The following NBEA variants were observed in gnomAD, a reference collection of about 807,000 sequenced individuals.
NBEA encodes neurobeachin, also known as lysosomal-trafficking regulator 2.
NBEA carries 44 observed loss-of-function variants against 343.4 expected under a neutral mutation model. That is an observed-to-expected ratio of 0.13 (90% CI 0.10 to 0.16). NBEA has a LOEUF of 0.16. Among genes scored for constraint, NBEA ranks in the 10% least tolerant of loss-of-function variants. NBEA has a pLI of 1.00. For missense variants in NBEA, 2,555 were observed against 3,631.3 expected (o/e 0.70, Z 7.62); for synonymous variants, 1,175 against 1,238.7 (o/e 0.95, Z 1.08).
intron 34 of NBEA, among the ~76,000 whole-genome samples, chr13:35,250,571 T>C (rs114769571): frequency 2.0e-5 from 3 of 152,320 alleles, no homozygotes; most frequent in African/African-American, 4.8e-5. Context: ...GGAGTCTAAA[T>C]TGATGAAACC....
chr13:35,499,927 A>G (rs926648457), intron 41 of NBEA, among the ~76,000 whole-genome samples: 19 of 152,076 alleles, frequency 1.2e-4, no homozygotes, highest in African/African-American at 3.6e-4. Flanking sequence ...GAATGAAGCA[A>G]TGGTTGTAGT....
At chr13:34,968,846 A>G (rs554979777) in intron 1 of NBEA, among the ~76,000 whole-genome samples, 4 of 152,198 alleles carry the variant, frequency 2.6e-5, no homozygotes, top group African/African-American at 9.6e-5. Context: ...TTAAACACAT[A>G]TGCTGTGATT....
chr13:34,962,131 A>G (rs575297201), intron 1 of NBEA, among the ~76,000 whole-genome samples: 4 of 152,066 alleles, frequency 2.6e-5, no homozygotes, highest in African/African-American at 9.6e-5. Context: ...TGTATCTGTG[A>G]CTTGCGCTGT....
intron 44 of NBEA, among the ~76,000 whole-genome samples, chr13:35,556,075 CT>C (rs961294999): frequency 2.0e-4 from 31 of 151,808 alleles, no homozygotes; most frequent in East Asian, 7.7e-4. Context: ...TATTAAAATG[CT>C]TTTTCACTTT....
intron 10 of NBEA, among the ~76,000 whole-genome samples, chr13:35,088,529 G>A (rs1445333642): frequency 1.3e-5 from 2 of 151,862 alleles, no homozygotes; most frequent in Admixed American, 6.6e-5. Context: ...GTTTTTAGTA[G>A]AACTTAGTAA....
chr13:35,312,933 A>G (rs1250742046), intron 36 of NBEA, among the ~76,000 whole-genome samples: 4 of 152,180 alleles, frequency 2.6e-5, no homozygotes, highest in Non-Finnish European at 4.4e-5. Flanking sequence ...GAGATGTTCA[A>G]TAGGCATGGG....
In NBEA at chr13:35,110,796, A is replaced by G; in HGVS notation, c.1834-14A>G. ...TTAAATTCATTTTAATGATCTGTTA[A>G]TATTCTGTATTAGGTTCAGCTTTCC... On this transcript the variant is annotated splice_polypyrimidine_tract_variant and intron_variant, in intron 12 of 58. Coordinates refer to ENST00000379939, the MANE Select transcript of NBEA (RefSeq NM_001385012.1). 6.3e-7 allele frequency: 1 copy of G among 1,597,368 alleles called. No individual in the cohort carries two copies. Among genetic ancestry groups the G allele is most frequent in the Non-Finnish European group, 8.6e-7 (1 of 1,166,554 alleles).
intron 38 of NBEA, among the ~76,000 whole-genome samples, chr13:35,396,716 C>T (rs1299196201): frequency 6.6e-6 from 1 of 152,134 alleles, no homozygotes; most frequent in Non-Finnish European, 1.5e-5. Flanking sequence ...TCCCAGAACA[C>T]TCACATTGTT....
At chr13:35,128,241 A>T (rs764258068) in intron 17 of NBEA, among the ~76,000 whole-genome samples, 2 of 151,908 alleles carry the variant, frequency 1.3e-5, no homozygotes, top group Non-Finnish European at 2.9e-5. Flanking sequence ...ATAATAATAA[A>T]AAAAAAAAGC....
intron 1 of NBEA, among the ~76,000 whole-genome samples, chr13:34,994,250 A>C (rs2060864788): frequency 6.6e-6 from 1 of 151,454 alleles, no homozygotes; most frequent in South Asian, 2.1e-4. Context: ...AAAGTAAATA[A>C]ATGGAGTTTA....
intron 47 of NBEA, among the ~76,000 whole-genome samples, chr13:35,596,887 G>A (rs540936883): frequency 7.9e-5 from 12 of 151,404 alleles, no homozygotes; most frequent in African/African-American, 2.9e-4. Context: ...GAATGCCAGG[G>A]CATCAGTCTT....
At chr13:35,116,171 A>G (rs1351218776) in intron 13 of NBEA, among the ~76,000 whole-genome samples, 1 of 152,100 alleles carries the variant, frequency 6.6e-6, no homozygotes, top group African/African-American at 2.4e-5. Context: ...TTGAAATCAG[A>G]TTATTATTAA....
At chr13:34,955,127 G>A (rs958010030) in intron 1 of NBEA, among the ~76,000 whole-genome samples, 1 of 151,996 alleles carries the variant, frequency 6.6e-6, no homozygotes, top group Non-Finnish European at 1.5e-5. Flanking sequence ...CTGACCCTTC[G>A]TCCAGTTCTT....
intron 53 of NBEA, among the ~76,000 whole-genome samples, chr13:35,652,315 G>A (rs1307865308): frequency 1.4e-5 from 2 of 146,498 alleles, no homozygotes; most frequent in Non-Finnish European, 3.0e-5. Context: ...TGCACATTGT[G>A]CACATGTACC....
At chr13:35,374,120 G>T (rs559800096) in intron 38 of NBEA, among the ~76,000 whole-genome samples, 9 of 152,138 alleles carry the variant, frequency 5.9e-5, no homozygotes, top group Non-Finnish European at 2.9e-5. Flanking sequence ...TCTAGCTTTT[G>T]ACTTTAAATG....
At chr13:35,227,470 A>G (rs750116078) in intron 33 of NBEA, among the ~76,000 whole-genome samples, 7 of 152,080 alleles carry the variant, frequency 4.6e-5, no homozygotes, top group Non-Finnish European at 1.0e-4. Flanking sequence ...CGATGCCTAC[A>G]TTTCCTCATT....
chr13:35,453,371 CTT>C (rs1481727619), intron 40 of NBEA, among the ~76,000 whole-genome samples: 4 of 152,174 alleles, frequency 2.6e-5, no homozygotes, highest in Non-Finnish European at 5.9e-5. Flanking sequence ...TAAATGTACT[CTT>C]AAGTCTGTGA....
At chr13:34,951,988 A>G (rs2059364391) in intron 1 of NBEA, among the ~76,000 whole-genome samples, 3 of 152,234 alleles carry the variant, frequency 2.0e-5, no homozygotes, top group Admixed American at 2.0e-4. Context: ...TGAACACAGC[A>G]GTGTCCTCTA....
At chr13:35,079,020 TTAAAAAC>T (rs1451225617) in intron 10 of NBEA, among the ~76,000 whole-genome samples, 1 of 152,030 alleles carries the variant, frequency 6.6e-6, no homozygotes, top group East Asian at 1.9e-4. Context: ...GATTGTGTCT[TTAAAAAC>T]AAAAAACAAA....
Sources: allele counts gnomAD v4.1 joint callset (sites outside exome capture counted in the v4.1 genomes callset), GRCh38; gene constraint gnomAD v4.1.1; transcripts MANE v1.5; gene names NCBI Gene and HGNC (gene_info 2026-07-23, HGNC 2026-07-21).